PRKN: variants seen among roughly 807,000 people sequenced by gnomAD.
The protein encoded by PRKN is parkin RBR E3 ubiquitin protein ligase.
Under a neutral mutation model 59.5 loss-of-function variants are expected in PRKN, and 56 were observed. The observed-to-expected ratio is 0.94, with a 90% CI of 0.76 to 1.18. The LOEUF (loss-of-function observed/expected upper bound fraction) is 1.18. Ranked by LOEUF, PRKN falls within the 50% of genes most tolerant of loss-of-function variation. The pLI is 0.00. For missense variants in PRKN, 657 were observed against 596.4 expected (o/e 1.10, Z -1.06); for synonymous variants, 250 against 222.1 (o/e 1.13, Z -1.12).
chr6:162,243,539 CA>C (rs1779076488), intron 3 of PRKN, among the ~76,000 whole-genome samples: 2 of 152,060 alleles, frequency 1.3e-5, no homozygotes, highest in African/African-American at 4.8e-5. Flanking sequence ...ATCAGTATAA[CA>C]GGTACATTTA....
rs143559252 is a variant in PRKN at position 162,540,061 on chromosome 6, G to A, written c.8-96588C>T. Among the ~76,000 whole-genome samples the A allele has an allele frequency of 9.9e-3, 1,499 of 151,738 alleles. 25 individuals carry two copies. The highest frequency in any genetic ancestry group is 0.035 in the African/African-American group (1,428 of 41,390). Reference sequence around the variant, plus strand: ...CTCCCGAGTAGCTGGGATTATAGGCGCCCACCACCATGCCCAGCTAATTTT... The same window carrying A: ...CTCCCGAGTAGCTGGGATTATAGGCACCCACCACCATGCCCAGCTAATTTT... On this transcript the variant is annotated intron_variant, in intron 1 of 11. Transcript: ENST00000366898.
chr6:161,688,481 A>T (rs1440640414), intron 7 of PRKN, among the ~76,000 whole-genome samples: 2 of 152,232 alleles, frequency 1.3e-5, no homozygotes, highest in African/African-American at 2.4e-5. Flanking sequence ...ACATAAAAAG[A>T]CTATTGCATT....
At chr6:161,801,884 G>T (rs182787355) in intron 6 of PRKN, among the ~76,000 whole-genome samples, 16 of 152,276 alleles carry the variant, frequency 1.1e-4, no homozygotes, top group Non-Finnish European at 2.1e-4. Flanking sequence ...GAATCTGCTT[G>T]CATACAAGCA....
intron 1 of PRKN, among the ~76,000 whole-genome samples, chr6:162,686,069 A>C (rs1236004704): frequency 6.6e-6 from 1 of 152,144 alleles, no homozygotes; most frequent in South Asian, 2.1e-4. Flanking sequence ...TGGGTTAGGG[A>C]TGTGGTGGCT....
At chr6:161,866,371 T>G (rs563063240) in intron 6 of PRKN, among the ~76,000 whole-genome samples, 1 of 152,056 alleles carries the variant, frequency 6.6e-6, no homozygotes, top group South Asian at 2.1e-4. Flanking sequence ...GTCAGGAGAT[T>G]GAGACCATCC....
rs1440280981 is a variant in PRKN, at chr6:161,352,547, TC to T, written c.1286-2337del. 6.6e-6 allele frequency among the ~76,000 whole-genome samples: 1 copy of T among 151,540 alleles called. No homozygotes were observed. On this transcript the variant is annotated intron_variant, in intron 11 of 11. Coordinates refer to ENST00000366898, the MANE Select transcript of PRKN (RefSeq NM_004562.3). The surrounding 1 kb of genome is among the most constrained non-coding windows in gnomAD (Gnocchi z 5.8). The stretch of plus-strand genomic sequence containing the variant: ...TCTCTAAAATATCATAAATATTTTA[TC>T]ATATCATAAATATATCATTATTATA...
At chr6:161,935,554 C>CAAA (rs773798640) in intron 6 of PRKN, among the ~76,000 whole-genome samples, 9 of 82,524 alleles carry the variant, frequency 1.1e-4, no homozygotes, top group South Asian at 3.7e-4. Flanking sequence ...ACCTTGTTTC[C>CAAA]AAAAAAAAAA....
chr6:162,153,348 C>A (rs541131799), intron 4 of PRKN, among the ~76,000 whole-genome samples: 30 of 152,202 alleles, frequency 2.0e-4, no homozygotes, highest in African/African-American at 7.0e-4. Flanking sequence ...TTAGCCCCAG[C>A]AGGAGCAAAT....
intron 3 of PRKN, among the ~76,000 whole-genome samples, chr6:162,216,847 T>C (rs142693120): frequency 9.8e-5 from 15 of 152,298 alleles, no homozygotes; most frequent in Middle Eastern, 3.4e-3. Flanking sequence ...TTTCTTTTGG[T>C]TCTGTATTTG....
In PRKN at chr6:161,546,328, C is replaced by G. The variant is rs1779792901; in HGVS notation, c.1083+2526G>C. 6.6e-6 allele frequency among the ~76,000 whole-genome samples: 1 copy of G among 151,926 alleles called. No homozygotes were observed. Among genetic ancestry groups the G allele is most frequent in the Non-Finnish European group, 1.5e-5 (1 of 67,990 alleles). On this transcript the variant is annotated intron_variant, in intron 9 of 11. Transcript: ENST00000366898. This position sits in a 1 kb window ranked among gnomAD's most constrained non-coding sequence, Gnocchi z 4.4. ...TGAAAACCACAAGTAGTTTGTGAAG[C>G]CAGGGTTTGAACTTCACACATTCAA...
intron 6 of PRKN, among the ~76,000 whole-genome samples, chr6:161,871,845 T>A (rs1390051575): frequency 6.6e-6 from 1 of 152,158 alleles, no homozygotes; most frequent in Non-Finnish European, 1.5e-5. Context: ...AAAACTCCCG[T>A]GTATATTTGC....
At chr6:162,679,878 G>A (rs1779703458) in intron 1 of PRKN, among the ~76,000 whole-genome samples, 1 of 152,160 alleles carries the variant, frequency 6.6e-6, no homozygotes, top group African/African-American at 2.4e-5. Context: ...ACAGGCCAGT[G>A]AGGTCAGAGT....
chr6:161,759,429 T>G (rs1449507678), intron 7 of PRKN, among the ~76,000 whole-genome samples: 1 of 152,092 alleles, frequency 6.6e-6, no homozygotes, highest in African/African-American at 2.4e-5. Context: ...CAAAAAGCCA[T>G]TAAAAATGAA....
intron 7 of PRKN, among the ~76,000 whole-genome samples, chr6:161,778,227 G>A (rs1020050900): frequency 1.3e-5 from 2 of 152,032 alleles, no homozygotes; most frequent in African/African-American, 4.8e-5. Context: ...GGTGATCAAA[G>A]TCCTTTGGAC....
At chr6:162,180,874 T>C (rs1308076065) in intron 4 of PRKN, among the ~76,000 whole-genome samples, 1 of 152,108 alleles carries the variant, frequency 6.6e-6, no homozygotes, top group East Asian at 1.9e-4. Flanking sequence ...ATATATTAAC[T>C]GGACAACACA....
intron 5 of PRKN, among the ~76,000 whole-genome samples, chr6:162,017,748 T>G (rs1045284677): frequency 2.0e-5 from 3 of 152,212 alleles, no homozygotes; most frequent in Non-Finnish European, 2.9e-5. Context: ...TCTGAAACGT[T>G]GCCTGTCACA....
chr6:161,565,535 G>A (rs933711340), intron 8 of PRKN, among the ~76,000 whole-genome samples: 3 of 152,108 alleles, frequency 2.0e-5, no homozygotes, highest in Admixed American at 6.5e-5. Flanking sequence ...GAGATCTGAT[G>A]GTTGTATAAT....
At chr6:162,359,059 CAAAAAAA>C (rs71692740) in intron 2 of PRKN, among the ~76,000 whole-genome samples, 3 of 92,594 alleles carry the variant, frequency 3.2e-5, no homozygotes, top group Admixed American at 1.2e-4. Flanking sequence ...CACACTGTGG[CAAAAAAA>C]AAAAAAAAAA....
chr6:161,875,084 T>C (rs1681929590), intron 6 of PRKN, among the ~76,000 whole-genome samples: 1 of 123,780 alleles, frequency 8.1e-6, no homozygotes, highest in Admixed American at 9.1e-5. Context: ...AAAGTATATA[T>C]GATATATTAT....
Sources: allele counts gnomAD v4.1 joint callset (sites outside exome capture counted in the v4.1 genomes callset), GRCh38; gene constraint gnomAD v4.1.1; non-coding constraint Gnocchi (gnomAD v3.1); transcripts MANE v1.5; gene names NCBI Gene and HGNC (gene_info 2026-07-23, HGNC 2026-07-21).